Variants in MACROD2 observed in about 807,000 individuals in gnomAD.
The protein encoded by MACROD2 is ADP-ribose glycohydrolase MACROD2.
In MACROD2, 36 loss-of-function variants were observed where a neutral mutation model predicts 70.4. The observed-to-expected ratio is 0.51, with a 90% CI of 0.39 to 0.68. MACROD2 has a LOEUF of 0.68. Ranked by LOEUF, MACROD2 falls within the 30% of genes least tolerant of loss-of-function variation. The pLI, the probability that MACROD2 is intolerant of heterozygous loss-of-function variation, is 0.00. For missense variants in MACROD2, 496 were observed against 538.4 expected, an observed-to-expected ratio of 0.92 and a Z score of 0.78; for synonymous variants, 172 against 178.8, an observed-to-expected ratio of 0.96 and a Z score of 0.30.
Position 15,381,622 on chromosome 20 carries a change from C to T in MACROD2, c.541-49783C>T, listed in dbSNP as rs1000739337. On this transcript the variant is annotated intron_variant, in intron 6 of 17. Coordinates refer to ENST00000684519, the MANE Select transcript of MACROD2 (RefSeq NM_001351661.2). ...TTGAGGCTGCAGTGAGCCATGATTG[C>T]GCCACTGAACTCCAGCCTGGGTGAC... Among the ~76,000 whole-genome samples the T allele has an allele frequency of 5.3e-5, 8 of 152,140 alleles. No homozygotes were observed. The East Asian group carries it at 7.7e-4, about 15-fold the overall frequency.
At chr20:14,980,226 A>G (rs2122834749) in intron 5 of MACROD2, among the ~76,000 whole-genome samples, 1 of 152,268 alleles carries the variant, frequency 6.6e-6, no homozygotes, top group South Asian at 2.1e-4. Context: ...GAATGAATCA[A>G]TCCATTCTTG....
chr20:14,518,112 CT>C (rs1250379370), intron 4 of MACROD2, among the ~76,000 whole-genome samples: 1 of 149,014 alleles, frequency 6.7e-6, no homozygotes, highest in Non-Finnish European at 1.5e-5. Flanking sequence ...TGATTTAACA[CT>C]TTTAAAAATA....
At chr20:15,009,027 G>A (rs2075061877) in intron 5 of MACROD2, among the ~76,000 whole-genome samples, 2 of 152,076 alleles carry the variant, frequency 1.3e-5, no homozygotes, top group Non-Finnish European at 2.9e-5. Flanking sequence ...AACCTGTGAG[G>A]TTCAGCATGG....
chr20:15,220,737 A>T (rs1372194794), intron 5 of MACROD2, among the ~76,000 whole-genome samples: 1 of 152,204 alleles, frequency 6.6e-6, no homozygotes, highest in Non-Finnish European at 1.5e-5. Flanking sequence ...CTCCATGAGA[A>T]ACTATTTCAT....
intron 2 of MACROD2, among the ~76,000 whole-genome samples, chr20:14,004,649 T>A (rs2052786509): frequency 6.6e-6 from 1 of 152,168 alleles, no homozygotes; most frequent in Non-Finnish European, 1.5e-5. Flanking sequence ...TTTAGTGTTT[T>A]AACAGTTTAA....
chr20:15,316,954 T>C (rs2077817773), intron 6 of MACROD2, among the ~76,000 whole-genome samples: 1 of 152,036 alleles, frequency 6.6e-6, no homozygotes. Flanking sequence ...CACTCTTTAA[T>C]ACCAATAAAC....
At chr20:14,622,106 A>G (rs1245200735) in intron 4 of MACROD2, among the ~76,000 whole-genome samples, 1 of 152,166 alleles carries the variant, frequency 6.6e-6, no homozygotes, top group East Asian at 1.9e-4. Context: ...TTTATTTAAC[A>G]TTTTAATCAT....
intron 5 of MACROD2, among the ~76,000 whole-genome samples, chr20:14,846,827 A>G (rs1220016292): frequency 1.3e-5 from 2 of 150,888 alleles, no homozygotes; most frequent in Non-Finnish European, 3.0e-5. Flanking sequence ...TTAATATGTA[A>G]TTTTTAAGCA....
intron 3 of MACROD2, among the ~76,000 whole-genome samples, chr20:14,431,255 C>T (rs1358542850): frequency 1.3e-5 from 2 of 151,978 alleles, no homozygotes; most frequent in African/African-American, 4.8e-5. Flanking sequence ...AGGAGGCATA[C>T]AGAGGCTTAA....
chr20:14,215,170 A>G lies in MACROD2; in HGVS notation c.271+129442A>G, dbSNP rs182707751. Among the ~76,000 whole-genome samples the G allele has an allele frequency of 1.0e-4, 15 of 150,694 alleles. No homozygotes were observed. In the East Asian group the frequency reaches 2.9e-3, roughly 29 times the overall value. Reference sequence around the variant, plus strand: ...CCATCATATATGTTCCATCATATATATATTTTCCATCATATATATTCCATC... The same window carrying G: ...CCATCATATATGTTCCATCATATATGTATTTTCCATCATATATATTCCATC... On this transcript the variant is annotated intron_variant, in intron 3 of 17. Coordinates refer to ENST00000684519, the MANE Select transcript of MACROD2 (RefSeq NM_001351661.2).
chr20:14,780,442 A>G (rs957316025), intron 5 of MACROD2, among the ~76,000 whole-genome samples: 1 of 151,754 alleles, frequency 6.6e-6, no homozygotes, highest in Non-Finnish European at 1.5e-5. Context: ...CATGCCGGTA[A>G]TCCCAGCTAC....
At chr20:15,092,948 G>A (rs554675647) in intron 5 of MACROD2, among the ~76,000 whole-genome samples, 2 of 152,242 alleles carry the variant, frequency 1.3e-5, no homozygotes, top group South Asian at 4.1e-4. Flanking sequence ...AATGGCATTA[G>A]CCTCTGAGTA....
At chr20:15,965,725 A>T (rs1037940076) in intron 12 of MACROD2, among the ~76,000 whole-genome samples, 1 of 151,826 alleles carries the variant, frequency 6.6e-6, no homozygotes, top group Non-Finnish European at 1.5e-5. Context: ...TTTTTTTTTC[A>T]ATTGACATCT....
chr20:15,895,233 G>A (rs943098604), intron 10 of MACROD2, among the ~76,000 whole-genome samples: 13 of 152,090 alleles, frequency 8.5e-5, no homozygotes, highest in East Asian at 1.9e-4. Flanking sequence ...CATCATTCCC[G>A]AATCCTAATA....
At chr20:14,582,454 A>C (rs1305027442) in intron 4 of MACROD2, among the ~76,000 whole-genome samples, 1 of 152,076 alleles carries the variant, frequency 6.6e-6, no homozygotes, top group Non-Finnish European at 1.5e-5. Flanking sequence ...GTCTCCCAGC[A>C]GCGTGACCTA....
intron 10 of MACROD2, among the ~76,000 whole-genome samples, chr20:15,929,976 T>C (rs6043623): frequency 0.015 from 2,233 of 152,276 alleles, 63 homozygotes; most frequent in African/African-American, 0.051. Flanking sequence ...CATGGGAAAG[T>C]AAAGTGTTAT....
intron 5 of MACROD2, among the ~76,000 whole-genome samples, chr20:14,724,920 A>G (rs1220566901): frequency 6.6e-6 from 1 of 152,158 alleles, no homozygotes; most frequent in Non-Finnish European, 1.5e-5. Flanking sequence ...GGAGAATGGA[A>G]TGTACAAAGA....
At chr20:15,358,184 A>C (rs956751200) in intron 6 of MACROD2, among the ~76,000 whole-genome samples, 5 of 152,188 alleles carry the variant, frequency 3.3e-5, no homozygotes, top group African/African-American at 9.7e-5. Flanking sequence ...ACAAAGCAGA[A>C]TATTAGTTCT....
At chr20:16,049,279 G>A (rs898410609) in intron 17 of MACROD2, among the ~76,000 whole-genome samples, 3 of 151,884 alleles carry the variant, frequency 2.0e-5, no homozygotes, top group Admixed American at 6.6e-5. Context: ...GTGTTTTCCT[G>A]TAGGCAGATT....
Sources: allele counts gnomAD v4.1 joint callset (sites outside exome capture counted in the v4.1 genomes callset), GRCh38; gene constraint gnomAD v4.1.1; transcripts MANE v1.5; gene names NCBI Gene and HGNC (gene_info 2026-07-23, HGNC 2026-07-21).